The following FAM13A variants were observed in gnomAD, a reference collection of about 807,000 sequenced individuals.
FAM13A encodes the protein protein FAM13A.
A neutral mutation model predicts 129.6 loss-of-function variants in FAM13A; 76 were observed. That is an observed-to-expected ratio of 0.59 (90% confidence interval 0.49 to 0.71). FAM13A has a LOEUF of 0.71. Among genes scored for constraint, FAM13A ranks in the 30% least tolerant of loss-of-function variants. The pLI, the probability that FAM13A is intolerant of heterozygous loss-of-function variation, is 0.00. For missense variants in FAM13A, 1,108 were observed against 1,249.3 expected, an observed-to-expected ratio of 0.89 and a Z score of 1.70; for synonymous variants, 443 against 449.9, an observed-to-expected ratio of 0.98 and a Z score of 0.20.
intron 3 of FAM13A, among the ~76,000 whole-genome samples, chr4:88,995,481 C>T (rs1402562421): frequency 2.0e-5 from 3 of 152,132 alleles, no homozygotes; most frequent in African/African-American, 7.2e-5. Flanking sequence ...GTCTTCTGCC[C>T]TCCATCTCTC....
chr4:89,037,311 A>T (rs760139709), intron 1 of FAM13A, among the ~76,000 whole-genome samples: 2 of 152,292 alleles, frequency 1.3e-5, no homozygotes, highest in South Asian at 4.1e-4. Context: ...GTGAAAGAAG[A>T]TTATTTTTGA....
chr4:88,865,952 C>T (rs1248275396), intron 6 of FAM13A, among the ~76,000 whole-genome samples: 6 of 134,340 alleles, frequency 4.5e-5, no homozygotes, highest in Admixed American at 8.3e-5. Flanking sequence ...TGCAGTGGCA[C>T]AGTCTGCCTC....
intron 4 of FAM13A, among the ~76,000 whole-genome samples, chr4:88,959,435 A>C (rs1279754342): frequency 6.6e-6 from 1 of 152,310 alleles, no homozygotes; most frequent in African/African-American, 2.4e-5. Context: ...CTGAGTTCAC[A>C]TGAGATCTGG....
intron 5 of FAM13A, among the ~76,000 whole-genome samples, chr4:88,915,833 T>A (rs1306281724): frequency 6.6e-6 from 1 of 152,144 alleles, no homozygotes; most frequent in African/African-American, 2.4e-5. Flanking sequence ...ATTAATGGGT[T>A]AATGAATTAA....
intron 5 of FAM13A, among the ~76,000 whole-genome samples, chr4:88,917,738 G>A (rs1223384314): frequency 2.0e-5 from 3 of 152,104 alleles, no homozygotes; most frequent in African/African-American, 4.8e-5. Flanking sequence ...TGCTGAAGTA[G>A]ACAATTAATA....
chr4:88,987,930 A>ACC (rs1469313978), intron 4 of FAM13A, among the ~76,000 whole-genome samples: 1 of 151,916 alleles, frequency 6.6e-6, no homozygotes, highest in African/African-American at 2.4e-5. Flanking sequence ...AAATGACTTA[A>ACC]CCACACAAGA....
intron 4 of FAM13A, among the ~76,000 whole-genome samples, chr4:88,954,855 C>T (rs987513444): frequency 4.0e-5 from 6 of 148,906 alleles, no homozygotes; most frequent in African/African-American, 1.2e-4. Flanking sequence ...CACTGTACTC[C>T]AGCCTGGGCG....
At chr4:88,833,353 C>T (rs371370146) in intron 7 of FAM13A, among the ~76,000 whole-genome samples, 55 of 152,188 alleles carry the variant, frequency 3.6e-4, no homozygotes, top group African/African-American at 1.3e-3. Context: ...ACACCCTGCA[C>T]ATGTACCCGG....
In FAM13A at chr4:88,991,048, T is replaced by G; in HGVS notation, c.530A>C (p.Lys177Thr). 6.2e-7 allele frequency: 1 copy of G among 1,614,154 alleles called. No homozygotes were observed. Among genetic ancestry groups the G allele is most frequent in the African/African-American group, 1.3e-5 (1 of 75,032 alleles). ...ATTCTGCACATGATGCTTGGCTACT[T>G]TTGTCAAGAACTGGCAAAGGTACTT... ...LLKYLCQFLTKVAKHHVQNRM... is the reference protein window; with the variant it reads ...LLKYLCQFLTTVAKHHVQNRM... The change falls in exon 4 of 24, where the codon AAA becomes ACA. Residue 177 changes from lysine to threonine, a missense_variant. Lys to Thr is a moderately conservative substitution (Grantham distance 78). Coordinates refer to ENST00000264344, the MANE Select transcript of FAM13A (RefSeq NM_014883.4).
chr4:89,023,595 C>T lies in FAM13A; in HGVS notation c.218-2926G>A, dbSNP rs1767566504. On this transcript the variant is annotated intron_variant, in intron 2 of 23. Coordinates refer to ENST00000264344, the MANE Select transcript of FAM13A (RefSeq NM_014883.4). ...AGCCTCCTGATTCCACTGGACCAAA[C>T]TAGCAGTCATATAAGGTACAAATAG... is the stretch of plus-strand genomic sequence containing the variant. 2.0e-5 allele frequency among the ~76,000 whole-genome samples: 3 copies of T among 152,166 alleles called. No homozygotes were observed. The South Asian group carries it at 6.2e-4, about 31-fold the overall frequency.
intron 4 of FAM13A, among the ~76,000 whole-genome samples, chr4:88,954,083 C>T (rs942104690): frequency 2.6e-5 from 4 of 152,096 alleles, no homozygotes; most frequent in African/African-American, 9.7e-5. Flanking sequence ...TTGTTAGACT[C>T]CATGAATTCA....
chr4:88,877,898 T>C (rs1034732857), intron 6 of FAM13A, among the ~76,000 whole-genome samples: 2 of 152,184 alleles, frequency 1.3e-5, no homozygotes, highest in Non-Finnish European at 2.9e-5. Flanking sequence ...TGGTGCTCAT[T>C]CTGAGTTTAT....
intron 7 of FAM13A, among the ~76,000 whole-genome samples, chr4:88,811,159 G>T (rs1347039550): frequency 6.6e-6 from 1 of 152,202 alleles, no homozygotes; most frequent in Non-Finnish European, 1.5e-5. Context: ...GCTGAGTGTA[G>T]ATGGTAAAGA....
chr4:88,975,647 A>G (rs1760796645), intron 4 of FAM13A, among the ~76,000 whole-genome samples: 1 of 152,236 alleles, frequency 6.6e-6, no homozygotes, highest in Admixed American at 6.5e-5. Flanking sequence ...AAAATGAGAA[A>G]CAAAGAATTG....
chr4:88,984,241 T>C lies in FAM13A; in HGVS notation c.605+6732A>G, dbSNP rs1761970904. 1.3e-5 allele frequency among the ~76,000 whole-genome samples: 2 copies of C among 152,080 alleles called. 1 individual carries two copies. The highest frequency in any genetic ancestry group is 4.1e-4 in the South Asian group (2 of 4,820). On this transcript the variant is annotated intron_variant, in intron 4 of 23. Coordinates refer to ENST00000264344, the MANE Select transcript of FAM13A (RefSeq NM_014883.4). The stretch of plus-strand genomic sequence containing the variant: ...TCATGATCTTGGTTAGCCAAAACTT[T>C]CTCAGGTACAACACAAAAAGCATAA...
chr4:88,938,777 A>T (rs1279005068), intron 4 of FAM13A, among the ~76,000 whole-genome samples: 1 of 152,184 alleles, frequency 6.6e-6, no homozygotes, highest in East Asian at 1.9e-4. Flanking sequence ...ATTCACAATA[A>T]AAATAGTTGA....
At chr4:88,817,576 A>T (rs1004766683) in intron 7 of FAM13A, among the ~76,000 whole-genome samples, 6 of 151,948 alleles carry the variant, frequency 3.9e-5, no homozygotes, top group Non-Finnish European at 7.4e-5. Context: ...AAAAAAAAAA[A>T]GTTATTTCTA....
intron 10 of FAM13A, among the ~76,000 whole-genome samples, chr4:88,785,001 A>T (rs1172093708): frequency 6.6e-6 from 1 of 152,192 alleles, no homozygotes; most frequent in Non-Finnish European, 1.5e-5. Context: ...TTAGACAAAT[A>T]ACAAATCATT....
At chr4:88,785,792 G>A (rs990863893) in intron 10 of FAM13A, among the ~76,000 whole-genome samples, 7 of 152,190 alleles carry the variant, frequency 4.6e-5, no homozygotes, top group Non-Finnish European at 7.3e-5. Context: ...AAGAGAAGCC[G>A]TTCAGTGTGG....
Sources: gnomAD v4.1 joint callset for allele counts (sites outside exome capture counted in the v4.1 genomes callset) on GRCh38, gnomAD v4.1.1 for gene constraint, MANE v1.5 for transcripts, NCBI Gene and HGNC (gene_info 2026-07-23, HGNC 2026-07-21) for gene names.